Variants in ALDH3A2 observed in about 807,000 individuals in gnomAD.
ALDH3A2 encodes the protein aldehyde dehydrogenase 3 family member A2, also known as aldehyde dehydrogenase family 3 member A2.
ALDH3A2 carries 36 observed loss-of-function variants against 51.3 expected under a neutral mutation model. The observed-to-expected ratio is 0.70, with a 90% CI of 0.54 to 0.93. The LOEUF is 0.93. Among genes scored for constraint, ALDH3A2 ranks in the 40% least tolerant of loss-of-function variants. ALDH3A2 has a pLI of 0.00. For synonymous variants in ALDH3A2, 199 were observed against 219.8 expected, an observed-to-expected ratio of 0.91 and a Z score of 0.84; for missense variants, 552 against 603.1, an observed-to-expected ratio of 0.92 and a Z score of 0.89.
At chr17:19,648,634 C>A, upstream of ALDH3A2, 3 of 392,690 alleles carry the variant, frequency 7.6e-6, no homozygotes, top group Non-Finnish European at 1.4e-5. Flanking sequence ...CCACCCCCTA[C>A]ATCCCAGCCC....
chr17:19,653,101 G>A (rs2084840119), intron 3 of ALDH3A2, among the ~76,000 whole-genome samples: 2 of 149,972 alleles, frequency 1.3e-5, no homozygotes, highest in South Asian at 4.2e-4. Flanking sequence ...CTGTAGTGCT[G>A]TGGTGTGATC....
chr17:19,675,576 A>G lies in ALDH3A2; in HGVS notation c.*4A>G. On this transcript the variant is annotated 3_prime_UTR_variant, in exon 10 of 10. Coordinates refer to ENST00000176643, the MANE Select transcript of ALDH3A2 (RefSeq NM_000382.3). ...TCTCCAGGCAGAATATTACTGAAGAATGATCCTGTTCAACCTCCTAGTGCC... is the reference window on the plus strand; with the variant it reads ...TCTCCAGGCAGAATATTACTGAAGAGTGATCCTGTTCAACCTCCTAGTGCC... The G allele has an allele frequency of 6.2e-7, 1 of 1,613,488 alleles. No homozygotes were observed. Among genetic ancestry groups the G allele is most frequent in the East Asian group, 2.2e-5 (1 of 44,878 alleles).
chr17:19,664,347 T>C (rs1026204459), intron 7 of ALDH3A2, among the ~76,000 whole-genome samples: 1 of 152,212 alleles, frequency 6.6e-6, no homozygotes, highest in Non-Finnish European at 1.5e-5. Flanking sequence ...GAGGTCACTA[T>C]AGTCCAGACT....
intron 7 of ALDH3A2, among the ~76,000 whole-genome samples, chr17:19,663,714 G>A (rs2084999133): frequency 6.6e-6 from 1 of 152,142 alleles, no homozygotes; most frequent in African/African-American, 2.4e-5. Context: ...CTCCTCCCTC[G>A]GGTTAGATCT....
chr17:19,652,362 CAGCTAAGGAGTT>C lies in ALDH3A2; in HGVS notation c.386-181_386-170del, dbSNP rs2084827456. On this transcript the variant is annotated intron_variant, in intron 2 of 9. Transcript: ENST00000176643. ...ATTGTCAGTGACCTGAAGATGAGGA[CAGCTAAGGAGTT>C]AGCCTTAGAAGAGAAAGTGAGATGA... is the stretch of plus-strand genomic sequence containing the variant. Among the ~76,000 whole-genome samples the C allele has an allele frequency of 1.3e-5, 2 of 152,118 alleles. 1 individual carries two copies. Among genetic ancestry groups the C allele is most frequent in the South Asian group, 4.1e-4 (2 of 4,822 alleles).
At position 19,657,878 on chromosome 17, in the gene ALDH3A2, A is replaced by G. The variant is rs775626554; in HGVS notation, c.798+16A>G. 1.9e-6 allele frequency: 3 copies of G among 1,544,488 alleles called. No individual in the cohort carries two copies. The highest frequency in any genetic ancestry group is 1.8e-6 in the Non-Finnish European group (2 of 1,117,056). ...AACAGTGAAGGTTTGTATTAAAAAC[A>G]TCTGATTCCACTGATTTTAATAAGA... On this transcript the variant is annotated intron_variant, in intron 5 of 9. Transcript: ENST00000176643.
intron 1 of ALDH3A2, among the ~76,000 whole-genome samples, chr17:19,651,122 G>C (rs925630675): frequency 6.6e-6 from 1 of 152,204 alleles, no homozygotes; most frequent in Non-Finnish European, 1.5e-5. Flanking sequence ...TGAAATGTGA[G>C]TGATAGTTAT....
At chr17:19,677,572 TAAATCATTTTATGTCTTTATCATAG>T (rs2085210803) in exon 10 of ALDH3A2, 1 of 152,224 alleles carries the variant, frequency 6.6e-6, no homozygotes, top group African/African-American at 2.4e-5. Flanking sequence ...TCCCCAACTA[TAAATCATTTTATGTCTTTATCATAG>T]ATGGTATTTG....
chr17:19,662,309 C>T (rs1271809388), intron 6 of ALDH3A2, among the ~76,000 whole-genome samples: 1 of 152,192 alleles, frequency 6.6e-6, no homozygotes, highest in Non-Finnish European at 1.5e-5. Flanking sequence ...CAAATTGTTT[C>T]TCTGACCTGA....
Position 19,649,124 on chromosome 17 carries a change from GGTAC to G in ALDH3A2, c.153+2_153+5del. On this transcript the variant is annotated splice_donor_variant and splice_donor_region_variant and intron_variant, in intron 1 of 9. Coordinates refer to ENST00000176643, the MANE Select transcript of ALDH3A2 (RefSeq NM_000382.3). LOFTEE classifies it high-confidence loss of function. ...CGGCCATCGCCGCCGACCTGTGCAA[GGTAC>G]GCACGCGTGCGGCGGGGTGTGGGGA... The G allele has an allele frequency of 6.4e-7, 1 of 1,564,082 alleles. No individual in the cohort carries two copies. The highest frequency in any genetic ancestry group is 8.7e-7 in the Non-Finnish European group (1 of 1,152,612).
chr17:19,668,053 A>G (rs2085063380), intron 8 of ALDH3A2, among the ~76,000 whole-genome samples: 1 of 152,070 alleles, frequency 6.6e-6, no homozygotes, highest in Non-Finnish European at 1.5e-5. Flanking sequence ...TCCTTTGATT[A>G]TTAGTGAGTT....
Position 19,672,102 on chromosome 17 carries a change from T to C in ALDH3A2, c.1443+146T>C, listed in dbSNP as rs990660904. 5.1e-6 allele frequency: 4 copies of C among 789,374 alleles called. No homozygotes were observed. The African/African-American group carries it at 5.1e-5, about 10-fold the overall frequency. 48.9% of individuals were successfully genotyped at this position (789,374 alleles called of 1,614,324 possible). A position where few individuals can be genotyped will look rare whatever the true frequency, so the allele number is the denominator to read the frequency against. ...AGCCTGCTGGCCAGCTACCCGTTTT[T>C]GTCACTGAAGTTATTGGAACACAGC... On this transcript the variant is annotated intron_variant, in intron 9 of 9. Transcript: ENST00000176643.
chr17:19,671,783 C>T lies in ALDH3A2; in HGVS notation c.1270C>T (p.Pro424Ser), dbSNP rs61737992. Residue 424 changes from proline (P) to serine (S), a missense_variant, in exon 9 of 10, where the codon CCC (proline) becomes TCC (serine). By Grantham distance (74) the Pro-to-Ser change is moderately conservative. Transcript: ENST00000176643. The part of the protein sequence containing the change: ...HSFDTFSHQR[P>S]CLLKSLKREG... ...TTTTGATACTTTTTCTCATCAGCGTCCCTGTTTATTAAAAAGTTTAAAGAG... is the reference window on the plus strand; with the variant it reads ...TTTTGATACTTTTTCTCATCAGCGTTCCTGTTTATTAAAAAGTTTAAAGAG... 4.9e-3 allele frequency: 7,964 copies of T among 1,614,146 alleles called. 24 individuals carry two copies. Among genetic ancestry groups the T allele is most frequent in the Non-Finnish European group, 5.8e-3 (6,875 of 1,180,006 alleles).
At chr17:19,649,191 G>T in intron 1 of ALDH3A2, 67 bp downstream of exon 1, 1 of 1,520,006 alleles carries the variant, frequency 6.6e-7, no homozygotes. Context: ...CTGGAGCTTC[G>T]GCTGGGTTTT....
rs1349802499 is a variant in ALDH3A2, at chr17:19,654,276, G to A, written c.471+1644G>A. On this transcript the variant is annotated intron_variant, in intron 3 of 9. Coordinates refer to ENST00000176643, the MANE Select transcript of ALDH3A2 (RefSeq NM_000382.3). The surrounding 1 kb of genome is among the most constrained non-coding windows in gnomAD (Gnocchi z 4.5). ...CTAGTGGATCCCACGCCGGGGCTGT[G>A]GGTGGAGCTGCCCATCAGTCCAGCG... Among the ~76,000 whole-genome samples, 1 of 152,278 alleles carries A rather than the reference G, an allele frequency of 6.6e-6. No individual in the cohort carries two copies. Among genetic ancestry groups the A allele is most frequent in the East Asian group, 1.9e-4 (1 of 5,194 alleles).
chr17:19,651,829 C>A, intron 2 of ALDH3A2, 51 bp downstream of exon 2: 1 of 1,512,922 alleles, frequency 6.6e-7, no homozygotes, highest in South Asian at 1.1e-5. Context: ...CTTATTTTCT[C>A]ATATTAATTG....
chr17:19,652,626 A>G lies in ALDH3A2; in HGVS notation c.465A>G (p.Leu155=), dbSNP rs149865400. Residue 155 remains leucine (L), a synonymous_variant, in exon 3 of 10, where the codon TTA becomes TTG. Coordinates refer to ENST00000176643, the MANE Select transcript of ALDH3A2 (RefSeq NM_000382.3). ...TGGCAAAGCTTCTCCCTCAGTATTT[A>G]GACCAGGTAAGAATTTCTTGACTCA... is the stretch of plus-strand genomic sequence containing the variant. ...KILAKLLPQY[L]DQDLYIVING... is the part of the protein sequence containing the mutation. The G allele has an allele frequency of 2.4e-4, 386 of 1,611,468 alleles. 2 individuals carry two copies. The African/African-American group carries it at 4.5e-3, about 19-fold the overall frequency.
At chr17:19,675,259 C>A in intron 9 of ALDH3A2, 1 of 380,646 alleles carries the variant, frequency 2.6e-6, no homozygotes, top group Non-Finnish European at 4.7e-6. Flanking sequence ...AGTTAGTACT[C>A]TCATCTTCTG....
intron 9 of ALDH3A2, chr17:19,675,043 A>G (rs1165332158): frequency 1.3e-5 from 2 of 155,124 alleles, no homozygotes. Flanking sequence ...GTCGAGAAAC[A>G]TAAGAGGTTA....
Sources: gnomAD v4.1 joint callset for allele counts (sites outside exome capture counted in the v4.1 genomes callset) on GRCh38, gnomAD v4.1.1 for gene constraint, Gnocchi (gnomAD v3.1) non-coding constraint, MANE v1.5 for transcripts, NCBI Gene and HGNC (gene_info 2026-07-23, HGNC 2026-07-21) for gene names.